The following MALRD1 variants were observed in gnomAD, a reference collection of about 807,000 sequenced individuals.
MALRD1 encodes the protein MAM and LDL receptor class A domain containing 1.
Under a neutral mutation model 242.1 loss-of-function variants are expected in MALRD1, and 247 were observed. That is an observed-to-expected ratio of 1.02 (90% CI 0.92 to 1.13). MALRD1 has a LOEUF of 1.13. Ranked by LOEUF, MALRD1 falls within the 50% of genes most tolerant of loss-of-function variation. The pLI is 0.00. For synonymous variants in MALRD1, 995 were observed against 866.6 expected, an observed-to-expected ratio of 1.15 and a Z score of -2.60; for missense variants, 2,989 against 2,533.1, an observed-to-expected ratio of 1.18 and a Z score of -3.86.
chr10:19,559,266 C>T (rs1026488609), intron 32 of MALRD1, among the ~76,000 whole-genome samples: 10 of 151,934 alleles, frequency 6.6e-5, no homozygotes, highest in Admixed American at 3.3e-4. Flanking sequence ...GTTCTTTTGT[C>T]ATTTTCAATA....
At chr10:19,125,378 T>C (rs188271288) in intron 7 of MALRD1, among the ~76,000 whole-genome samples, 314 of 87,670 alleles carry the variant, frequency 3.6e-3, no homozygotes, top group African/African-American at 0.011. Flanking sequence ...TCTTTCTTTC[T>C]TTCCTTCCTT....
chr10:19,227,344 A>G lies in MALRD1; in HGVS notation c.2991+17664A>G, dbSNP rs74118881. On this transcript the variant is annotated intron_variant, in intron 18 of 39. Coordinates refer to ENST00000454679, the MANE Select transcript of MALRD1 (RefSeq NM_001142308.3). ...AATTTAGAAATATATCCAGCCTTACATGGCCAAAGTTGCCGAAATAATTCA... is the reference window on the plus strand; with the variant it reads ...AATTTAGAAATATATCCAGCCTTACGTGGCCAAAGTTGCCGAAATAATTCA... Among the ~76,000 whole-genome samples the G allele has an allele frequency of 5.8e-3, 883 of 152,240 alleles. 14 individuals carry two copies. The highest frequency in any genetic ancestry group is 0.02 in the African/African-American group (849 of 41,544).
chr10:19,105,888 T>G (rs1200146626), intron 5 of MALRD1, among the ~76,000 whole-genome samples: 2 of 151,934 alleles, frequency 1.3e-5, no homozygotes, highest in Non-Finnish European at 2.9e-5. Context: ...AATGAGTTGT[T>G]TTGAGTTTCT....
chr10:19,699,025 A>T (rs1833498975), intron 38 of MALRD1, among the ~76,000 whole-genome samples: 1 of 151,954 alleles, frequency 6.6e-6, no homozygotes, highest in South Asian at 2.1e-4. Flanking sequence ...GGGATATCAC[A>T]CACCGGGGCC....
rs1315203833 is a variant in MALRD1, at chr10:19,567,793, T to C, written c.5680+90T>C. ...TTGGGAATTTCTGAGGAATTACATT[T>C]ATTTCTGGGTCCAGTTCTATTTACA... is the stretch of plus-strand genomic sequence containing the variant. On this transcript the variant is annotated intron_variant, in intron 33 of 39. Coordinates refer to ENST00000454679, the MANE Select transcript of MALRD1 (RefSeq NM_001142308.3). 1.5e-5 allele frequency: 17 copies of C among 1,132,186 alleles called. 1 individual carries two copies. Among genetic ancestry groups the C allele is most frequent in the Non-Finnish European group, 2.2e-5 (17 of 788,684 alleles). 70.1% of individuals were successfully genotyped at this position (1,132,186 alleles called of 1,614,324 possible). A position where few individuals can be genotyped will look rare whatever the true frequency, so the allele number is the denominator to read the frequency against.
chr10:19,167,777 A>G (rs1834760606), intron 13 of MALRD1, among the ~76,000 whole-genome samples: 1 of 152,146 alleles, frequency 6.6e-6, no homozygotes, highest in South Asian at 2.1e-4. Flanking sequence ...TTACTCTTCT[A>G]ACTTCACAGT....
intron 38 of MALRD1, 157 bp from the exon 39 acceptor site, chr10:19,730,549 A>C (rs1405164165): frequency 1.2e-6 from 1 of 835,260 alleles, no homozygotes; most frequent in South Asian, 1.5e-5. Flanking sequence ...AAAATAAAAA[A>C]TAAAAAACAA....
At chr10:19,292,309 A>G (rs181624011) in intron 21 of MALRD1, among the ~76,000 whole-genome samples, 21 of 152,110 alleles carry the variant, frequency 1.4e-4, no homozygotes, top group African/African-American at 4.8e-4. Flanking sequence ...TTTCTGTTGG[A>G]TCAAAACAAA....
chr10:19,701,668 C>T (rs1334796542), intron 38 of MALRD1, among the ~76,000 whole-genome samples: 1 of 150,518 alleles, frequency 6.6e-6, no homozygotes, highest in Non-Finnish European at 1.5e-5. Flanking sequence ...ATTTCTCTTC[C>T]CTTCCCTTCC....
At chr10:19,635,790 A>G (rs1361141968) in intron 36 of MALRD1, among the ~76,000 whole-genome samples, 1 of 152,238 alleles carries the variant, frequency 6.6e-6, no homozygotes, top group Non-Finnish European at 1.5e-5. Context: ...ACACACATGC[A>G]TGCAAAACAT....
At chr10:19,697,392 C>T (rs960309380) in intron 38 of MALRD1, among the ~76,000 whole-genome samples, 2 of 151,884 alleles carry the variant, frequency 1.3e-5, no homozygotes, top group African/African-American at 4.8e-5. Flanking sequence ...GAGCCCCCGC[C>T]CCCGCCCCCA....
intron 28 of MALRD1, among the ~76,000 whole-genome samples, chr10:19,440,399 G>A (rs1834571670): frequency 6.6e-6 from 1 of 151,662 alleles, no homozygotes; most frequent in African/African-American, 2.4e-5. Context: ...CAACATACAG[G>A]TGTGTTACAT....
intron 38 of MALRD1, among the ~76,000 whole-genome samples, chr10:19,728,205 C>A (rs1269691094): frequency 6.6e-6 from 1 of 152,084 alleles, no homozygotes; most frequent in East Asian, 1.9e-4. Flanking sequence ...CACACTGAAA[C>A]CCTTTCTTCT....
chr10:19,431,563 G>T (rs1834128309), intron 28 of MALRD1, among the ~76,000 whole-genome samples: 1 of 152,124 alleles, frequency 6.6e-6, no homozygotes, highest in South Asian at 2.1e-4. Flanking sequence ...ATTTCACGTT[G>T]AACATTTTGC....
At chr10:19,704,717 T>A (rs1044555450) in intron 38 of MALRD1, among the ~76,000 whole-genome samples, 6 of 152,220 alleles carry the variant, frequency 3.9e-5, no homozygotes, top group Non-Finnish European at 8.8e-5. Flanking sequence ...ACTTTCTGGT[T>A]CATCTGAATA....
intron 19 of MALRD1, among the ~76,000 whole-genome samples, chr10:19,266,158 T>TA (rs1554822516): frequency 6.6e-6 from 1 of 151,638 alleles, no homozygotes; most frequent in Non-Finnish European, 1.5e-5. Context: ...GTTTTTTTTT[T>TA]ATCTGTTAAG....
At chr10:19,442,989 A>T (rs1279787703) in intron 28 of MALRD1, among the ~76,000 whole-genome samples, 2 of 152,136 alleles carry the variant, frequency 1.3e-5, no homozygotes, top group Non-Finnish European at 2.9e-5. Flanking sequence ...TATTGCCTCA[A>T]TTTCAGAGCC....
At chr10:19,267,341 A>AT (rs1840012550) in intron 19 of MALRD1, among the ~76,000 whole-genome samples, 1 of 152,084 alleles carries the variant, frequency 6.6e-6, no homozygotes. Context: ...ACAACTGATG[A>AT]TGCCTTCAAA....
intron 19 of MALRD1, among the ~76,000 whole-genome samples, chr10:19,278,486 T>TATCC (rs1350131875): frequency 8.7e-6 from 1 of 115,082 alleles, no homozygotes; most frequent in African/African-American, 3.3e-5. Flanking sequence ...TCCATCCATC[T>TATCC]ATCCATCCAT....
Sources: gnomAD v4.1 joint callset for allele counts (sites outside exome capture counted in the v4.1 genomes callset) on GRCh38, gnomAD v4.1.1 for gene constraint, MANE v1.5 for transcripts, NCBI Gene and HGNC (gene_info 2026-07-23, HGNC 2026-07-21) for gene names.